CGNL1: variants seen among roughly 807,000 people sequenced by gnomAD.
The protein encoded by CGNL1 is cingulin like 1, also known as cingulin-like protein 1.
CGNL1 carries 132 observed loss-of-function variants against 141.2 expected under a neutral mutation model. The ratio of observed to expected loss-of-function variants is 0.93; its 90% CI spans 0.81 to 1.08. The LOEUF (loss-of-function observed/expected upper bound fraction) is 1.08. Ranked by LOEUF, CGNL1 falls within the 50% of genes least tolerant of loss-of-function variation. The pLI is 0.00. For missense variants in CGNL1, 1,870 were observed against 1,588.6 expected (o/e 1.18, Z -3.01); for synonymous variants, 690 against 622.1 (o/e 1.11, Z -1.63).
chr15:57,452,136 G>A lies in CGNL1; in HGVS notation c.1906-5G>A, dbSNP rs373622508. 10 of 1,610,816 alleles carry A rather than the reference G, an allele frequency of 6.2e-6. No individual in the cohort carries two copies. The highest frequency in any genetic ancestry group is 8.5e-6 in the Non-Finnish European group (10 of 1,178,802). ...GCTCTTTAAAATCACACTGATTCCTGTTAGAATCAACAGAACATTAAAGAA... is the reference window on the plus strand; with the variant it reads ...GCTCTTTAAAATCACACTGATTCCTATTAGAATCAACAGAACATTAAAGAA... On this transcript the variant is annotated splice_region_variant and splice_polypyrimidine_tract_variant and intron_variant, in intron 5 of 18. Coordinates refer to ENST00000281282, the MANE Select transcript of CGNL1 (RefSeq NM_032866.5).
intron 2 of CGNL1, 54 bp from the exon 3 acceptor site, chr15:57,440,323 G>T: frequency 7.6e-7 from 1 of 1,320,492 alleles, no homozygotes; most frequent in Non-Finnish European, 1.1e-6. Context: ...TTTGGTGTTT[G>T]GAAGCCTCTG....
At position 57,498,663 on chromosome 15, in the gene CGNL1, A is replaced by G. The variant is rs147456097; in HGVS notation, c.2404-18117A>G. Among the ~76,000 whole-genome samples the G allele has an allele frequency of 6.6e-4, 101 of 152,290 alleles. 1 individual carries two copies. Among genetic ancestry groups the G allele is most frequent in the African/African-American group, 2.3e-3 (97 of 41,560 alleles). Reference sequence around the variant, plus strand: ...ACATAAGAAAAAAATCATACAAGTAAATAAAAATCGCACCCATGACAAGGC... The same window carrying G: ...ACATAAGAAAAAAATCATACAAGTAGATAAAAATCGCACCCATGACAAGGC... On this transcript the variant is annotated intron_variant, in intron 8 of 18. Transcript: ENST00000281282.
chr15:57,408,061 T>C (rs535306098), intron 1 of CGNL1, among the ~76,000 whole-genome samples: 2 of 152,176 alleles, frequency 1.3e-5, no homozygotes, highest in African/African-American at 4.8e-5. Context: ...AAAAAAATTA[T>C]TCTCTTTGGT....
At chr15:57,514,243 C>T (rs2030583954) in intron 8 of CGNL1, among the ~76,000 whole-genome samples, 1 of 152,100 alleles carries the variant, frequency 6.6e-6, no homozygotes, top group Non-Finnish European at 1.5e-5. Context: ...TCTCTGCCTC[C>T]CGAGTTCAAA....
At chr15:57,530,236 C>T (rs550382726) in intron 13 of CGNL1, among the ~76,000 whole-genome samples, 6 of 152,240 alleles carry the variant, frequency 3.9e-5, no homozygotes, top group Admixed American at 3.9e-4. Flanking sequence ...GTCATTTCCA[C>T]TGCTATATCC....
At chr15:57,544,837 A>AC (rs1457552608) in intron 16 of CGNL1, among the ~76,000 whole-genome samples, 5 of 151,934 alleles carry the variant, frequency 3.3e-5, no homozygotes, top group African/African-American at 1.2e-4. Context: ...AAAGTTTAGG[A>AC]CCCCCACTTC....
At chr15:57,454,872 A>T (rs1426715721) in intron 7 of CGNL1, among the ~76,000 whole-genome samples, 2 of 152,164 alleles carry the variant, frequency 1.3e-5, no homozygotes, top group Non-Finnish European at 2.9e-5. Context: ...CACTGAAATA[A>T]TATTAAAACA....
At chr15:57,436,923 T>G (rs2063112789) in intron 1 of CGNL1, among the ~76,000 whole-genome samples, 1 of 152,182 alleles carries the variant, frequency 6.6e-6, no homozygotes, top group Admixed American at 6.5e-5. Flanking sequence ...TAGATGATTT[T>G]CTTGGAAAAT....
intron 10 of CGNL1, among the ~76,000 whole-genome samples, 184 bp downstream of exon 10, chr15:57,518,681 G>T (rs2031025618): frequency 6.6e-6 from 1 of 152,184 alleles, no homozygotes; most frequent in Non-Finnish European, 1.5e-5. Flanking sequence ...GGGGGATTTG[G>T]TAATGCCTGA....
rs1258172977 is a variant in CGNL1 at position 57,451,549 on chromosome 15, A to T, written c.1853A>T (p.Lys618Met). 6.2e-7 allele frequency: 1 copy of T among 1,613,370 alleles called. No homozygotes were observed. The highest frequency in any genetic ancestry group is 1.7e-5 in the Admixed American group (1 of 59,926). Residue 618 changes from lysine (K) to methionine (M), a missense_variant, in exon 5 of 19, where the codon AAG (lysine) becomes ATG (methionine). Transcript: ENST00000281282. ...AAAGATCTATTGGAACAGAAAAGCA[A>T]GTTGACCATAGAAGTGGCTGAACTT... Reference protein sequence around the residue: ...EVKDLLEQKSKLTIEVAELQR... With the variant: ...EVKDLLEQKSMLTIEVAELQR...
At chr15:57,409,037 T>TCTCA (rs143760210) in intron 1 of CGNL1, among the ~76,000 whole-genome samples, 4 of 141,736 alleles carry the variant, frequency 2.8e-5, no homozygotes, top group African/African-American at 8.0e-5. Context: ...TGAGACTCTG[T>TCTCA]CACACACACA....
chr15:57,529,593 CA>C (rs2031838595), intron 13 of CGNL1, among the ~76,000 whole-genome samples: 1 of 151,098 alleles, frequency 6.6e-6, no homozygotes, highest in Non-Finnish European at 1.5e-5. Flanking sequence ...CACACACACA[CA>C]CACACACACA....
intron 1 of CGNL1, among the ~76,000 whole-genome samples, chr15:57,434,601 A>T (rs925630123): frequency 1.1e-4 from 16 of 152,118 alleles, no homozygotes; most frequent in African/African-American, 3.9e-4. Flanking sequence ...GAAATTTCAG[A>T]ATACCAGTGA....
At chr15:57,415,298 G>C (rs1390253506) in intron 1 of CGNL1, among the ~76,000 whole-genome samples, 1 of 152,118 alleles carries the variant, frequency 6.6e-6, no homozygotes, top group African/African-American at 2.4e-5. Context: ...CCTTGAGCTG[G>C]GGAGATTATC....
At chr15:57,494,283 A>G (rs2063906316) in intron 8 of CGNL1, among the ~76,000 whole-genome samples, 1 of 152,168 alleles carries the variant, frequency 6.6e-6, no homozygotes, top group Admixed American at 6.5e-5. Context: ...GTTGAGAAGG[A>G]TCTGTATTCT....
rs778467834 is a variant in CGNL1 at position 57,523,600 on chromosome 15, C to A, written c.2827C>A (p.Arg943=). The stretch of plus-strand genomic sequence containing the variant: ...GTTGAAGAACGAGATGGAGAATGAG[C>A]GGTGGCACCTGGGCAAAACCATTGA... ...RRLKNEMENE[R]WHLGKTIEKL... Residue 943 remains arginine (R), a synonymous_variant, in exon 11 of 19, where the codon CGG becomes AGG. Transcript: ENST00000281282. 5 of 1,613,926 alleles carry A rather than the reference C, an allele frequency of 3.1e-6. No individual in the cohort carries two copies. The highest frequency in any genetic ancestry group is 4.2e-6 in the Non-Finnish European group (5 of 1,180,014).
At chr15:57,527,076 C>G (rs1196717471) in intron 12 of CGNL1, 1 of 152,106 alleles carries the variant, frequency 6.6e-6, no homozygotes, top group African/African-American at 2.4e-5. Context: ...TTTTTTAACG[C>G]TCTGGAATAT....
At chr15:57,544,335 C>A in intron 15 of CGNL1, 138 bp from the exon 16 acceptor site, 1 of 1,031,360 alleles carries the variant, frequency 9.7e-7, no homozygotes, top group East Asian at 2.5e-5. Flanking sequence ...CCCAGGTCTC[C>A]AGGCCACAGG....
At chr15:57,455,527 A>T (rs1409339767) in intron 7 of CGNL1, among the ~76,000 whole-genome samples, 1 of 152,172 alleles carries the variant, frequency 6.6e-6, no homozygotes, top group East Asian at 1.9e-4. Context: ...AACTCACTTG[A>T]CGTTGCACAT....
Sources: allele counts gnomAD v4.1 joint callset (sites outside exome capture counted in the v4.1 genomes callset), GRCh38; gene constraint gnomAD v4.1.1; transcripts MANE v1.5; gene names NCBI Gene and HGNC (gene_info 2026-07-23, HGNC 2026-07-21).